The following C2CD3 variants were observed in gnomAD, a reference collection of about 807,000 sequenced individuals.
The protein encoded by C2CD3 is C2 domain-containing protein 3.
In C2CD3, 148 loss-of-function variants were observed where a neutral mutation model predicts 234.0. That is an observed-to-expected ratio of 0.63 (90% confidence interval 0.55 to 0.72). The LOEUF (loss-of-function observed/expected upper bound fraction) is 0.72. Ranked by LOEUF, C2CD3 falls within the 30% of genes least tolerant of loss-of-function variation. The probability of loss-of-function intolerance (pLI) is 0.00; values close to 1 mark genes in which losing one functional copy is unlikely to be tolerated. For missense variants in C2CD3, 2,577 were observed against 2,811.5 expected (o/e 0.92, Z 1.89); for synonymous variants, 1,000 against 1,035.4 (o/e 0.97, Z 0.66).
At chr11:74,155,510 A>G (rs764520886) in intron 3 of C2CD3, among the ~76,000 whole-genome samples, 8 of 152,226 alleles carry the variant, frequency 5.3e-5, no homozygotes, top group Non-Finnish European at 8.8e-5. Flanking sequence ...CCAAATGTCT[A>G]TCAACTTTAG....
At chr11:74,118,192 G>A (rs759180476) in intron 9 of C2CD3, 36 bp downstream of exon 9, 1 of 1,568,692 alleles carries the variant, frequency 6.4e-7, no homozygotes, top group East Asian at 2.3e-5. Flanking sequence ...ACATTCCTTT[G>A]TGTTTACCTT....
At chr11:74,170,395 T>A (rs1857096960) in intron 1 of C2CD3, among the ~76,000 whole-genome samples, 1 of 152,174 alleles carries the variant, frequency 6.6e-6, no homozygotes, top group Non-Finnish European at 1.5e-5. Flanking sequence ...CTTTGCCAAT[T>A]TATGTTTCTT....
intron 23 of C2CD3, among the ~76,000 whole-genome samples, chr11:74,076,380 A>G (rs778808593): frequency 1.3e-5 from 2 of 152,208 alleles, no homozygotes; most frequent in African/African-American, 2.4e-5. Context: ...TCGACTGTAG[A>G]GTGGGGGAAA....
intron 3 of C2CD3, among the ~76,000 whole-genome samples, chr11:74,141,049 T>C (rs1452222969): frequency 4.6e-5 from 7 of 152,198 alleles, no homozygotes; most frequent in Admixed American, 4.6e-4. Context: ...CGCTGAAAGT[T>C]CAGTTTCAAT....
In C2CD3 at chr11:74,167,463, T is replaced by C. The variant is rs149958104; in HGVS notation, c.325+881A>G. Among the ~76,000 whole-genome samples, 377 of 151,722 alleles carry C rather than the reference T, an allele frequency of 2.5e-3. 1 individual carries two copies. Among genetic ancestry groups the C allele is most frequent in the African/African-American group, 8.9e-3 (365 of 41,008 alleles). ...GTAAACCCCATGGTGCCTAAAACAA[T>C]GTGTAGTATGTGCTAAACATATTTT... On this transcript the variant is annotated intron_variant, in intron 2 of 32. Transcript: ENST00000334126.
intron 22 of C2CD3, among the ~76,000 whole-genome samples, chr11:74,080,772 G>A (rs1955316438): frequency 6.6e-6 from 1 of 151,514 alleles, no homozygotes. Context: ...GGAAATTGAG[G>A]TATCCTACGT....
At chr11:74,131,099 CCAT>C (rs1390551646) in intron 7 of C2CD3, among the ~76,000 whole-genome samples, 1 of 151,562 alleles carries the variant, frequency 6.6e-6, no homozygotes, top group African/African-American at 2.4e-5. Context: ...CAAGCGTGTG[CCAT>C]CATGACTGGC....
intron 31 of C2CD3, among the ~76,000 whole-genome samples, chr11:74,032,772 G>A (rs1250866610): frequency 6.6e-6 from 1 of 151,868 alleles, no homozygotes; most frequent in Non-Finnish European, 1.5e-5. Flanking sequence ...GGCTGAGGTG[G>A]GAGGATCACC....
chr11:74,059,410 C>CAAAAAAA lies in C2CD3; in HGVS notation c.4952-1873_4952-1867dup, dbSNP rs57052333. Among the ~76,000 whole-genome samples, 252 of 29,938 alleles carry CAAAAAAA rather than the reference C, an allele frequency of 8.4e-3. 21 individuals carry two copies. Among genetic ancestry groups the CAAAAAAA allele is most frequent in the African/African-American group, 0.032 (230 of 7,226 alleles). The allele number at this position is 29,938 out of a possible 152,430, so 19.6% of individuals were successfully genotyped here. A position where few individuals can be genotyped will look rare whatever the true frequency, so the allele number is the denominator to read the frequency against. ...TGGGTGACAGAGCGAGACTCTGTCT[C>CAAAAAAA]AAAAAAAAAAAAAAAAAAAAAAAAA... On this transcript the variant is annotated intron_variant, in intron 24 of 32. Transcript: ENST00000334126.
chr11:74,110,147 T>TTCCAGCCTAGGCAAC (rs1555044863), intron 11 of C2CD3, among the ~76,000 whole-genome samples: 1 of 151,882 alleles, frequency 6.6e-6, no homozygotes. Flanking sequence ...AATCAAAGGA[T>TTCCAGCCTAGGCAAC]ATAAGTTTAA....
At chr11:74,072,518 T>C (rs910327967) in intron 24 of C2CD3, among the ~76,000 whole-genome samples, 3 of 152,330 alleles carry the variant, frequency 2.0e-5, no homozygotes, top group East Asian at 3.9e-4. Context: ...AAGGCCATGG[T>C]TGACTGGCTC....
intron 22 of C2CD3, among the ~76,000 whole-genome samples, chr11:74,079,490 G>C (rs1024977160): frequency 4.6e-5 from 7 of 151,364 alleles, no homozygotes; most frequent in Non-Finnish European, 2.9e-5. Flanking sequence ...GCTTCCCAAG[G>C]TTTTGAGATT....
At chr11:74,070,753 GTAGCCTAAT>G (rs1954754629) in intron 24 of C2CD3, 2 of 152,074 alleles carry the variant, frequency 1.3e-5, no homozygotes, top group African/African-American at 4.8e-5. Flanking sequence ...TGCTGCCTAT[GTAGCCTAAT>G]TAGTCTTTCC....
chr11:74,022,118 C>T (rs568366247), intron 32 of C2CD3, among the ~76,000 whole-genome samples: 19 of 151,650 alleles, frequency 1.3e-4, no homozygotes, highest in East Asian at 3.9e-4. Context: ...AGTGAGATTC[C>T]GTCTCGGGGA....
chr11:74,032,319 T>A (rs889071619), intron 31 of C2CD3, among the ~76,000 whole-genome samples: 4 of 152,236 alleles, frequency 2.6e-5, no homozygotes, highest in Non-Finnish European at 5.9e-5. Flanking sequence ...AGCAGCCTGC[T>A]TCACCTGCCA....
chr11:74,041,305 A>C (rs988695205), intron 29 of C2CD3, among the ~76,000 whole-genome samples: 3 of 152,140 alleles, frequency 2.0e-5, no homozygotes, highest in African/African-American at 7.2e-5. Context: ...TTTTTCCTAC[A>C]TGCACTGCTG....
At chr11:74,027,956 C>T (rs984022664) in intron 32 of C2CD3, among the ~76,000 whole-genome samples, 4 of 152,084 alleles carry the variant, frequency 2.6e-5, no homozygotes, top group African/African-American at 7.2e-5. Context: ...GTTGCATCTC[C>T]GCTCCTATCT....
rs140242195 is a variant in C2CD3, at chr11:74,033,588, C to T, written c.6572G>A (p.Gly2191Glu). 10 of 1,536,042 alleles carry T rather than the reference C, an allele frequency of 6.5e-6. No individual in the cohort carries two copies. In the African/African-American group the frequency reaches 1.1e-4, roughly 17 times the overall value. The change falls in exon 31 of 33, where the codon GGA becomes GAA. Residue 2191 changes from glycine to glutamate, a missense_variant. By Grantham distance (98) the Gly-to-Glu change is moderately conservative. Coordinates refer to ENST00000334126, the MANE Select transcript of C2CD3 (RefSeq NM_001286577.2). ...SGAQQSSTFV[G>E]WSSPQTDQNK... The stretch of plus-strand genomic sequence containing the variant: ...CTGATCTGTCTGTGGTGAGCTCCAT[C>T]CAACAAACGTGCTGCTCTGTTGAGC...
At chr11:74,154,340 G>A (rs1243890390) in intron 3 of C2CD3, among the ~76,000 whole-genome samples, 1 of 152,000 alleles carries the variant, frequency 6.6e-6, no homozygotes, top group Non-Finnish European at 1.5e-5. Flanking sequence ...ATTAAACAAA[G>A]GGAGTATATA....
Sources: allele counts gnomAD v4.1 joint callset (sites outside exome capture counted in the v4.1 genomes callset), GRCh38; gene constraint gnomAD v4.1.1; transcripts MANE v1.5; gene names NCBI Gene and HGNC (gene_info 2026-07-23, HGNC 2026-07-21).